The following PPARGC1A variants were observed in gnomAD, a reference collection of about 807,000 sequenced individuals.
The protein encoded by PPARGC1A is PPARG coactivator 1 alpha.
In PPARGC1A, 25 loss-of-function variants were observed where a neutral mutation model predicts 88.7. That is an observed-to-expected ratio of 0.28 (90% CI 0.21 to 0.39). The LOEUF (loss-of-function observed/expected upper bound fraction) is 0.39, where lower values mean the gene tolerates loss of function less well. Ranked by LOEUF, PPARGC1A falls within the 10% of genes least tolerant of loss-of-function variation. The probability of loss-of-function intolerance (pLI) is 1.00; values close to 1 mark genes in which losing one functional copy is unlikely to be tolerated. For missense variants in PPARGC1A, 880 were observed against 968.7 expected (o/e 0.91, Z 1.22); for synonymous variants, 363 against 355.6 (o/e 1.02, Z -0.24).
chr4:24,237,422 T>G, the PPARGC1A span, among the ~76,000 whole-genome samples: 1 of 152,184 alleles, frequency 6.6e-6, no homozygotes, highest in Admixed American at 6.5e-5. Context: ...TATTTTCTGC[T>G]GTTATCTCTG....
the PPARGC1A span, among the ~76,000 whole-genome samples, chr4:24,430,382 C>T: frequency 5.3e-5 from 8 of 151,212 alleles, no homozygotes; most frequent in African/African-American, 7.3e-5. Context: ...CTCAGCCTCC[C>T]GAGTAGCTGG....
chr4:24,005,126 G>T, the PPARGC1A span, among the ~76,000 whole-genome samples: 2 of 152,164 alleles, frequency 1.3e-5, 1 homozygote, highest in East Asian at 3.9e-4. Context: ...CCTAAGAAAG[G>T]ATTTAAATTT....
At chr4:24,163,452 A>G in the PPARGC1A span, among the ~76,000 whole-genome samples, 1 of 152,094 alleles carries the variant, frequency 6.6e-6, no homozygotes, top group South Asian at 2.1e-4. Flanking sequence ...AATAGAGCCT[A>G]TTAACAACAG....
chr4:24,118,795 G>A, the PPARGC1A span, among the ~76,000 whole-genome samples: 2 of 152,086 alleles, frequency 1.3e-5, no homozygotes, highest in African/African-American at 4.8e-5. Context: ...TTGGTCCTCT[G>A]AAATGGTTTT....
chr4:24,146,517 G>T, the PPARGC1A span, among the ~76,000 whole-genome samples: 7 of 152,200 alleles, frequency 4.6e-5, no homozygotes, highest in African/African-American at 1.4e-4. Context: ...GGGACCAGGG[G>T]CACCTCGGTC....
At chr4:23,974,644 T>C in the PPARGC1A span, among the ~76,000 whole-genome samples, 5 of 151,884 alleles carry the variant, frequency 3.3e-5, no homozygotes, top group East Asian at 9.7e-4. Flanking sequence ...TCGTTGGTTT[T>C]TTTTTTGAGA....
At chr4:23,967,516 C>CT in the PPARGC1A span, among the ~76,000 whole-genome samples, 1 of 152,026 alleles carries the variant, frequency 6.6e-6, no homozygotes, top group Admixed American at 6.6e-5. Context: ...AACCGGGCTT[C>CT]TGATTGGCTC....
At chr4:24,436,261 T>A in the PPARGC1A span, among the ~76,000 whole-genome samples, 591 of 152,284 alleles carry the variant, frequency 3.9e-3, 5 homozygotes, top group African/African-American at 0.013. Flanking sequence ...CACCAAAAAA[T>A]TGATGATGAG....
chr4:24,401,286 G>C, the PPARGC1A span, among the ~76,000 whole-genome samples: 5 of 152,020 alleles, frequency 3.3e-5, no homozygotes, highest in African/African-American at 1.2e-4. Flanking sequence ...CCAAAGTGCT[G>C]GGATTACAGG....
chr4:24,128,955 TG>T, the PPARGC1A span, among the ~76,000 whole-genome samples: 3 of 152,136 alleles, frequency 2.0e-5, no homozygotes, highest in African/African-American at 7.2e-5. Context: ...TCTGAGTAGG[TG>T]GGGAACCCAC....
At chr4:23,968,998 C>T in the PPARGC1A span, among the ~76,000 whole-genome samples, 1 of 152,172 alleles carries the variant, frequency 6.6e-6, no homozygotes, top group East Asian at 1.9e-4. Flanking sequence ...TTGCAAAGGG[C>T]TTTCACCAGA....
At chr4:24,135,414 C>A in the PPARGC1A span, among the ~76,000 whole-genome samples, 1 of 152,166 alleles carries the variant, frequency 6.6e-6, no homozygotes, top group African/African-American at 2.4e-5. Flanking sequence ...GCAGGCCACA[C>A]CCATCACCAC....
At chr4:23,834,701 C>T (rs1386964477) in intron 2 of PPARGC1A, among the ~76,000 whole-genome samples, 1 of 152,032 alleles carries the variant, frequency 6.6e-6, no homozygotes, top group South Asian at 2.1e-4. Flanking sequence ...TTGAAAGGAC[C>T]CTGTATATGT....
At chr4:24,102,800 T>C in the PPARGC1A span, among the ~76,000 whole-genome samples, 1 of 152,158 alleles carries the variant, frequency 6.6e-6, no homozygotes, top group African/African-American at 2.4e-5. Context: ...AGGCCTCTTC[T>C]CCAGAAGGCA....
the PPARGC1A span, among the ~76,000 whole-genome samples, chr4:24,050,957 G>A: frequency 6.6e-6 from 1 of 152,186 alleles, no homozygotes; most frequent in African/African-American, 2.4e-5. Context: ...GGAGGCCAAG[G>A]TGGGCAGATC....
At chr4:24,093,158 T>A in the PPARGC1A span, among the ~76,000 whole-genome samples, 6 of 152,180 alleles carry the variant, frequency 3.9e-5, no homozygotes, top group African/African-American at 1.2e-4. Context: ...CCAAAAGAGA[T>A]GAAGACATTT....
the PPARGC1A span, among the ~76,000 whole-genome samples, chr4:23,923,520 T>C: frequency 6.6e-6 from 1 of 151,816 alleles, no homozygotes; most frequent in Non-Finnish European, 1.5e-5. Flanking sequence ...TACAAGGAAT[T>C]CACAAGTCTG....
At chr4:24,231,577 G>A in the PPARGC1A span, among the ~76,000 whole-genome samples, 46 of 152,142 alleles carry the variant, frequency 3.0e-4, no homozygotes, top group African/African-American at 1.1e-3. Flanking sequence ...GTTTCCGGAA[G>A]GGCAACTCTA....
At chr4:23,835,634 C>T (rs1725883601) in intron 2 of PPARGC1A, among the ~76,000 whole-genome samples, 2 of 152,050 alleles carry the variant, frequency 1.3e-5, no homozygotes, top group South Asian at 4.2e-4. Flanking sequence ...ATGTGGGTGA[C>T]TCACAGAGGT....
Sources: gnomAD v4.1 joint callset for allele counts (sites outside exome capture counted in the v4.1 genomes callset) on GRCh38, gnomAD v4.1.1 for gene constraint, MANE v1.5 for transcripts, NCBI Gene and HGNC (gene_info 2026-07-23, HGNC 2026-07-21) for gene names.